Variants in NRL observed in about 807,000 individuals in gnomAD.
The protein encoded by NRL is neural retina-specific leucine zipper protein.
A neutral mutation model predicts 12.5 loss-of-function variants in NRL; 16 were observed. The ratio of observed to expected loss-of-function variants is 1.28; its 90% CI spans 0.87 to 1.95. The LOEUF (loss-of-function observed/expected upper bound fraction) is 1.95, where lower values mean the gene tolerates loss of function less well. Among genes scored for constraint, NRL ranks in the 30% most tolerant of loss-of-function variants. The pLI, the probability that NRL is intolerant of heterozygous loss-of-function variation, is 0.00. For synonymous variants in NRL, 142 were observed against 150.9 expected, an observed-to-expected ratio of 0.94 and a Z score of 0.43; for missense variants, 314 against 325.8, an observed-to-expected ratio of 0.96 and a Z score of 0.28.
chr14:24,110,336 T>C, intron 1 of NRL: 1 of 401,878 alleles, frequency 2.5e-6, no homozygotes, highest in Non-Finnish European at 5.1e-6. Flanking sequence ...CTCAAATTCC[T>C]GTGGTCAAGC....
At chr14:24,096,940 C>T (rs774959532) in intron 1 of NRL, 1 of 1,613,606 alleles carries the variant, frequency 6.2e-7, no homozygotes, top group South Asian at 1.1e-5. Flanking sequence ...CATGCCGTAG[C>T]ATCCAGACCC....
intron 1 of NRL, chr14:24,104,004 T>C: frequency 6.8e-7 from 1 of 1,473,348 alleles, no homozygotes; most frequent in South Asian, 1.1e-5. Flanking sequence ...AGCACCCTCA[T>C]CTGGGAATAG....
chr14:24,104,858 C>T (rs2037308778), intron 1 of NRL, among the ~76,000 whole-genome samples: 1 of 152,184 alleles, frequency 6.6e-6, no homozygotes, highest in African/African-American at 2.4e-5. Context: ...TTCATGGAAG[C>T]ATATTCAATA....
chr14:24,082,408 T>C, intron 2 of NRL, 60 bp downstream of exon 2: 2 of 1,605,880 alleles, frequency 1.2e-6, no homozygotes, highest in Non-Finnish European at 1.7e-6. Context: ...CCCCTTCCTC[T>C]CTTGGGCAGT....
At chr14:24,103,291 T>G (rs759836264) in intron 1 of NRL, 8 of 1,501,604 alleles carry the variant, frequency 5.3e-6, no homozygotes, top group Admixed American at 5.1e-5. Flanking sequence ...CTCCTGTGTG[T>G]GCACACAGCA....
intron 1 of NRL, chr14:24,093,375 T>C (rs1161181190): frequency 6.6e-6 from 1 of 152,152 alleles, no homozygotes; most frequent in Non-Finnish European, 1.5e-5. Context: ...CCTCATTGGA[T>C]TGTGGAGAGA....
intron 1 of NRL, among the ~76,000 whole-genome samples, chr14:24,092,639 T>A (rs1164992733): frequency 6.6e-6 from 1 of 152,078 alleles, no homozygotes; most frequent in Non-Finnish European, 1.5e-5. Flanking sequence ...TGAGGTTGAG[T>A]GTAGGCTAGA....
chr14:24,113,378 TAAAA>T (rs370478810), intron 1 of NRL, among the ~76,000 whole-genome samples: 3 of 140,172 alleles, frequency 2.1e-5, no homozygotes, highest in African/African-American at 7.8e-5. Context: ...TAGAGTATAA[TAAAA>T]AAAAAAAATG....
At chr14:24,082,359 TCTGTCCC>T in intron 2 of NRL, 102 bp downstream of exon 2, 1 of 1,398,738 alleles carries the variant, frequency 7.1e-7, no homozygotes, top group Non-Finnish European at 1.0e-6. Context: ...TCTCCTGCCC[TCTGTCCC>T]CTGTCCCAGT....
In NRL at chr14:24,081,228, T is replaced by C. The variant is rs2036271825; in HGVS notation, c.*8A>G. 6 of 1,470,514 alleles carry C rather than the reference T, an allele frequency of 4.1e-6. No homozygotes were observed. In the South Asian group the frequency reaches 6.9e-5, roughly 17 times the overall value. 91.1% of individuals were successfully genotyped at this position (1,470,514 alleles called of 1,614,324 possible). On this transcript the variant is annotated 3_prime_UTR_variant, in exon 3 of 3. Transcript: ENST00000561028. The surrounding 1 kb of genome is among the most constrained non-coding windows in gnomAD (Gnocchi z 4.4). Reference sequence around the variant, plus strand: ...GCCCCCACTACACCACAAGGTGCTCTGAACGGCTCAGAGGAAGAGGTGGGA... The same window carrying C: ...GCCCCCACTACACCACAAGGTGCTCCGAACGGCTCAGAGGAAGAGGTGGGA...
chr14:24,114,328 G>A (rs2037484773), intron 1 of NRL: 1 of 152,318 alleles, frequency 6.6e-6, no homozygotes, highest in Admixed American at 6.5e-5. Context: ...CAAAAGCTAA[G>A]CCCGGAAGGA....
At chr14:24,082,119 A>C (rs1451012487) in intron 2 of NRL, 1 of 1,235,398 alleles carries the variant, frequency 8.1e-7, no homozygotes, top group Non-Finnish European at 1.0e-6. Context: ...GTCTTAACCC[A>C]GCTCCACTCC....
intron 1 of NRL, among the ~76,000 whole-genome samples, chr14:24,096,713 A>G (rs2036900876): frequency 6.6e-6 from 1 of 152,120 alleles, no homozygotes; most frequent in African/African-American, 2.4e-5. Flanking sequence ...AGCCTCATAA[A>G]GGCTACAAGA....
chr14:24,103,505 C>A (rs751666369), intron 1 of NRL: 39 of 1,541,936 alleles, frequency 2.5e-5, no homozygotes, highest in African/African-American at 6.9e-5. Context: ...TTGCTTCCCC[C>A]CCAGGGAAGA....
At chr14:24,104,304 T>G (rs547163386) in intron 1 of NRL, among the ~76,000 whole-genome samples, 7 of 151,610 alleles carry the variant, frequency 4.6e-5, no homozygotes, top group African/African-American at 1.7e-4. Flanking sequence ...GAGAAGGCAC[T>G]ATCCACTCTA....
At position 24,094,510 on chromosome 14, in the gene NRL, C is replaced by G. The variant is rs1041104498; in HGVS notation, c.-27-11635G>C. ...CCCTCGGGGCTGCCAGTGGCGCTCT[C>G]CTGCTCTCAGCCTCCGCCAGGTTTC... On this transcript the variant is annotated intron_variant, in intron 1 of 2. Transcript: ENST00000561028. The surrounding 1 kb of genome is among the most constrained non-coding windows in gnomAD (Gnocchi z 4.1). 7.5e-6 allele frequency: 11 copies of G among 1,462,814 alleles called. No individual in the cohort carries two copies. Among genetic ancestry groups the G allele is most frequent in the Non-Finnish European group, 9.9e-6 (11 of 1,114,164 alleles). The allele number at this position is 1,462,814 out of a possible 1,614,324, so 90.6% of individuals were successfully genotyped here.
chr14:24,105,072 T>A (rs1000300047), intron 1 of NRL, among the ~76,000 whole-genome samples: 1 of 152,248 alleles, frequency 6.6e-6, no homozygotes, highest in African/African-American at 2.4e-5. Flanking sequence ...ACGTGTTTAT[T>A]GACAGCAAGT....
In NRL at chr14:24,094,496, G is replaced by A. The variant is rs982732518; in HGVS notation, c.-27-11621C>T. On this transcript the variant is annotated intron_variant, in intron 1 of 2. Transcript: ENST00000561028. The surrounding 1 kb of genome is among the most constrained non-coding windows in gnomAD (Gnocchi z 4.1). ...CCGCTGCGCTCGCCCCCTCGGGGCTGCCAGTGGCGCTCTCCTGCTCTCAGC... is the reference window on the plus strand; with the variant it reads ...CCGCTGCGCTCGCCCCCTCGGGGCTACCAGTGGCGCTCTCCTGCTCTCAGC... 1 of 1,474,384 alleles carries A rather than the reference G, an allele frequency of 6.8e-7. No homozygotes were observed. Among genetic ancestry groups the A allele is most frequent in the Admixed American group, 2.6e-5 (1 of 37,882 alleles). 91.3% of individuals were successfully genotyped at this position (1,474,384 alleles called of 1,614,324 possible).
chr14:24,109,184 T>G (rs1302617764), intron 1 of NRL, among the ~76,000 whole-genome samples: 1 of 152,182 alleles, frequency 6.6e-6, no homozygotes, highest in Non-Finnish European at 1.5e-5. Flanking sequence ...TGAAAAGTGC[T>G]TCACAAACTG....
Sources: allele counts gnomAD v4.1 joint callset (sites outside exome capture counted in the v4.1 genomes callset), GRCh38; gene constraint gnomAD v4.1.1; non-coding constraint Gnocchi (gnomAD v3.1); transcripts MANE v1.5; gene names NCBI Gene and HGNC (gene_info 2026-07-23, HGNC 2026-07-21).